Variants in SCFD2 observed in about 807,000 individuals in gnomAD.
SCFD2 encodes the protein sec1 family domain-containing protein 2.
In SCFD2, 54 loss-of-function variants were observed where a neutral mutation model predicts 58.9. That is an observed-to-expected ratio of 0.92 (90% CI 0.74 to 1.15). The LOEUF (loss-of-function observed/expected upper bound fraction) is 1.15, where lower values mean the gene tolerates loss of function less well. SCFD2 is among the 50% of genes most tolerant of loss of function. SCFD2 has a pLI of 0.00. For missense variants in SCFD2, 805 were observed against 836.6 expected (o/e 0.96, Z 0.47); for synonymous variants, 321 against 335.9 (o/e 0.96, Z 0.49).
chr4:52,932,357 T>A (rs1441961407), intron 5 of SCFD2, among the ~76,000 whole-genome samples: 4 of 152,204 alleles, frequency 2.6e-5, no homozygotes, highest in African/African-American at 9.7e-5. Context: ...AAGGATGGAA[T>A]CAGAAGACCA....
chr4:52,985,069 T>C (rs1721458068), intron 5 of SCFD2, among the ~76,000 whole-genome samples: 1 of 152,228 alleles, frequency 6.6e-6, no homozygotes, highest in African/African-American at 2.4e-5. Flanking sequence ...AGTTCGCTCA[T>C]TTAATTGGGA....
intron 7 of SCFD2, among the ~76,000 whole-genome samples, chr4:52,887,223 G>C (rs930499317): frequency 6.6e-6 from 1 of 152,190 alleles, no homozygotes; most frequent in Non-Finnish European, 1.5e-5. Flanking sequence ...TCCTCAAGGT[G>C]CTTACAGTAC....
At chr4:53,025,136 T>G (rs1722442317) in intron 5 of SCFD2, among the ~76,000 whole-genome samples, 1 of 151,940 alleles carries the variant, frequency 6.6e-6, no homozygotes. Flanking sequence ...GGGTAAGAAA[T>G]AGAGGGGAAG....
intron 3 of SCFD2, among the ~76,000 whole-genome samples, chr4:53,305,405 TC>T (rs1191401078): frequency 6.6e-6 from 1 of 152,140 alleles, no homozygotes; most frequent in African/African-American, 2.4e-5. Context: ...GACTATTCTT[TC>T]CCATTGTGTC....
At chr4:52,959,405 C>A (rs143041323) in intron 5 of SCFD2, among the ~76,000 whole-genome samples, 66 of 152,114 alleles carry the variant, frequency 4.3e-4, no homozygotes, top group Non-Finnish European at 7.9e-4. Flanking sequence ...GGGGATAAGG[C>A]CCAGGAATCT....
chr4:53,024,303 C>T (rs1722419270), intron 5 of SCFD2, among the ~76,000 whole-genome samples: 1 of 152,138 alleles, frequency 6.6e-6, no homozygotes, highest in African/African-American at 2.4e-5. Flanking sequence ...CTCAAACTGG[C>T]TAACAAACAC....
In SCFD2 at chr4:53,365,447, G is replaced by C; in HGVS notation, c.495C>G (p.Pro165=). The change falls in exon 1 of 9, where the codon CCC becomes CCG. Residue 165 remains proline (P), a synonymous_variant. Transcript: ENST00000401642. The surrounding 1 kb of genome is among the most constrained non-coding windows in gnomAD (Gnocchi z 4.3). ...CAAAAGCTGGAGTCAAGGCAAAGTG[G>C]GGAGCAACAGGGGCAAGCAATAACG... ...HVPLLLAPVA[P]HFALTPAFAS... is the part of the protein sequence containing the mutation. 2 of 1,614,176 alleles carry C rather than the reference G, an allele frequency of 1.2e-6. No individual in the cohort carries two copies. The highest frequency in any genetic ancestry group is 1.7e-6 in the Non-Finnish European group (2 of 1,180,044).
At chr4:52,887,894 T>C (rs1337931671) in intron 7 of SCFD2, among the ~76,000 whole-genome samples, 1 of 142,490 alleles carries the variant, frequency 7.0e-6, no homozygotes, top group Non-Finnish European at 1.5e-5. Context: ...CAACATCTTA[T>C]TCTTTTTTTT....
rs1405014427 is a variant in SCFD2, at chr4:53,272,685, A to G, written c.1311+1141T>C. Reference sequence around the variant, plus strand: ...ATGGACACAGGAAGGGGAACATCACATACCGGGGCCTGTTGTGGGGTGGGG... The same window carrying G: ...ATGGACACAGGAAGGGGAACATCACGTACCGGGGCCTGTTGTGGGGTGGGG... On this transcript the variant is annotated intron_variant, in intron 4 of 8. Transcript: ENST00000401642. Among the ~76,000 whole-genome samples the G allele has an allele frequency of 2.0e-5, 3 of 149,988 alleles. No homozygotes were observed. In the East Asian group the frequency reaches 6.0e-4, roughly 30 times the overall value.
rs573739795 is a variant in SCFD2, at chr4:52,969,927, GT to G, written c.1562-49058del. Among the ~76,000 whole-genome samples the G allele has an allele frequency of 2.8e-4, 43 of 152,262 alleles. No individual in the cohort carries two copies. The South Asian group carries it at 8.5e-3, about 30-fold the overall frequency. On this transcript the variant is annotated intron_variant, in intron 5 of 8. Coordinates refer to ENST00000401642, the MANE Select transcript of SCFD2 (RefSeq NM_152540.4). ...CATGCAAAAATGAAAATCACTGTTA[GT>G]TTTTTGAAAATGGGCAGTTTTCTTC...
chr4:53,303,802 G>A (rs1470966900), intron 3 of SCFD2, among the ~76,000 whole-genome samples: 1 of 151,454 alleles, frequency 6.6e-6, no homozygotes, highest in Non-Finnish European at 1.5e-5. Context: ...GTCCTTTGTA[G>A]GGACATGGAT....
chr4:53,255,278 C>A (rs1396056378), intron 4 of SCFD2, among the ~76,000 whole-genome samples: 2 of 150,134 alleles, frequency 1.3e-5, no homozygotes, highest in Non-Finnish European at 2.9e-5. Flanking sequence ...TTGGCAGGGT[C>A]ATAGGACAAT....
intron 4 of SCFD2, among the ~76,000 whole-genome samples, chr4:53,159,903 A>G (rs186461932): frequency 2.0e-5 from 3 of 152,294 alleles, no homozygotes; most frequent in East Asian, 3.9e-4. Context: ...ACCTACCACT[A>G]TATGAAAAAG....
chr4:53,199,623 G>A (rs1166994703), intron 4 of SCFD2, among the ~76,000 whole-genome samples: 1 of 151,986 alleles, frequency 6.6e-6, no homozygotes, highest in Non-Finnish European at 1.5e-5. Context: ...GGGTTGAAGG[G>A]GGTGGGACTT....
chr4:52,998,812 A>G (rs1484269844), intron 5 of SCFD2, among the ~76,000 whole-genome samples: 1 of 152,212 alleles, frequency 6.6e-6, no homozygotes, highest in African/African-American at 2.4e-5. Context: ...AATAATAATA[A>G]TAATATTAAC....
intron 5 of SCFD2, among the ~76,000 whole-genome samples, chr4:52,974,380 A>G (rs1375699504): frequency 6.6e-6 from 1 of 152,190 alleles, no homozygotes; most frequent in East Asian, 1.9e-4. Context: ...CCAATAACAG[A>G]CAAACAGAGA....
At chr4:53,328,005 T>A (rs1223227715) in intron 2 of SCFD2, among the ~76,000 whole-genome samples, 1 of 151,910 alleles carries the variant, frequency 6.6e-6, no homozygotes, top group Non-Finnish European at 1.5e-5. Flanking sequence ...CATGGTGGCA[T>A]GTGCCTGTAG....
intron 5 of SCFD2, among the ~76,000 whole-genome samples, chr4:53,006,873 A>C (rs1721979927): frequency 6.6e-6 from 1 of 152,066 alleles, no homozygotes; most frequent in Non-Finnish European, 1.5e-5. Flanking sequence ...AAGGGCATGG[A>C]CCCCACCTGA....
intron 5 of SCFD2, among the ~76,000 whole-genome samples, chr4:53,131,549 T>C (rs1577757567): frequency 6.6e-6 from 1 of 152,242 alleles, no homozygotes; most frequent in East Asian, 1.9e-4. Flanking sequence ...GGGAGTATAT[T>C]GATTCAGATA....
Sources: allele counts gnomAD v4.1 joint callset (sites outside exome capture counted in the v4.1 genomes callset), GRCh38; gene constraint gnomAD v4.1.1; non-coding constraint Gnocchi (gnomAD v3.1); transcripts MANE v1.5; gene names NCBI Gene and HGNC (gene_info 2026-07-23, HGNC 2026-07-21).